The following LMBR1 variants were observed in gnomAD, a reference collection of about 807,000 sequenced individuals.
LMBR1 encodes limb development membrane protein 1.
A neutral mutation model predicts 73.9 loss-of-function variants in LMBR1; 52 were observed. The observed-to-expected ratio is 0.70, with a 90% CI of 0.56 to 0.89. The LOEUF (loss-of-function observed/expected upper bound fraction) is 0.89. Among genes scored for constraint, LMBR1 ranks in the 40% least tolerant of loss-of-function variants. The probability of loss-of-function intolerance (pLI) is 0.00; values close to 1 mark genes in which losing one functional copy is unlikely to be tolerated. For missense variants in LMBR1, 539 were observed against 579.8 expected, an observed-to-expected ratio of 0.93 and a Z score of 0.72; for synonymous variants, 215 against 209.4, an observed-to-expected ratio of 1.03 and a Z score of -0.23.
rs1355534545 is a variant in LMBR1, at chr7:156,689,648, T to C, written c.1226-1457A>G. On this transcript the variant is annotated intron_variant, in intron 15 of 16. Transcript: ENST00000353442. ...TAAAAGACAGTAATATACCAAAATATTTTTTTAAGGTAGATAATTAATGAA... is the reference window on the plus strand; with the variant it reads ...TAAAAGACAGTAATATACCAAAATACTTTTTTAAGGTAGATAATTAATGAA... Among the ~76,000 whole-genome samples, 7 of 151,684 alleles carry C rather than the reference T, an allele frequency of 4.6e-5. No individual in the cohort carries two copies. The East Asian group carries it at 1.3e-3, about 29-fold the overall frequency.
rs1024752410 is a variant in LMBR1 at position 156,727,840 on chromosome 7, G to A, written c.993+90C>T. 7.6e-6 allele frequency: 6 copies of A among 794,382 alleles called. No homozygotes were observed. In the African/African-American group the frequency reaches 1.0e-4, roughly 14 times the overall value. The allele number at this position is 794,382 out of a possible 1,614,324, so 49.2% of individuals were successfully genotyped here. ...TTGAAGTATATACATGCACAAAGGT[G>A]AATGTTTTCATTTGCTTACTTGAAA... On this transcript the variant is annotated intron_variant, in intron 12 of 16. Transcript: ENST00000353442.
chr7:156,695,439 C>A (rs1808083207), intron 15 of LMBR1, among the ~76,000 whole-genome samples: 1 of 152,158 alleles, frequency 6.6e-6, no homozygotes. Flanking sequence ...ATGATACTGG[C>A]ATCTGCTCAG....
At chr7:156,769,355 G>A (rs1824748319) in intron 5 of LMBR1, among the ~76,000 whole-genome samples, 1 of 152,164 alleles carries the variant, frequency 6.6e-6, no homozygotes, top group Non-Finnish European at 1.5e-5. Flanking sequence ...TACAACAGGA[G>A]AGGAATGAAC....
Position 156,762,835 on chromosome 7 carries a change from G to A in LMBR1, c.619+273C>T, listed in dbSNP as rs867488674. On this transcript the variant is annotated intron_variant, in intron 7 of 16. Coordinates refer to ENST00000353442, the MANE Select transcript of LMBR1 (RefSeq NM_022458.4). ...TGACTGTATATGAGTGTGTGAAAGT[G>A]TGTGAGTGTGAGTGTGTGTGTGTGT... 3.0e-5 allele frequency among the ~76,000 whole-genome samples: 3 copies of A among 100,410 alleles called. No homozygotes were observed. The South Asian group carries it at 9.4e-4, about 31-fold the overall frequency. The allele number at this position is 100,410 out of a possible 152,430, so 65.9% of individuals were successfully genotyped here.
At chr7:156,766,856 C>A (rs1824181622) in intron 5 of LMBR1, among the ~76,000 whole-genome samples, 1 of 152,164 alleles carries the variant, frequency 6.6e-6, no homozygotes, top group Non-Finnish European at 1.5e-5. Flanking sequence ...ATGGTGTGAA[C>A]TGTGAGCCAT....
intron 15 of LMBR1, among the ~76,000 whole-genome samples, chr7:156,696,558 A>T (rs1211454397): frequency 6.6e-6 from 1 of 152,194 alleles, no homozygotes; most frequent in Non-Finnish European, 1.5e-5. Context: ...GCAGAGGGCG[A>T]AAGGCACTTC....
At chr7:156,676,718 C>T, downstream of LMBR1, 6 of 1,220,256 alleles carry the variant, frequency 4.9e-6, no homozygotes, top group South Asian at 7.6e-5. Context: ...TTTGGATGAA[C>T]TGCATGAGTT....
At chr7:156,840,707 C>T (rs1838514103) in intron 1 of LMBR1, among the ~76,000 whole-genome samples, 1 of 151,690 alleles carries the variant, frequency 6.6e-6, no homozygotes, top group African/African-American at 2.4e-5. Flanking sequence ...CTCCTGTAAT[C>T]CCAGCACTTT....
chr7:156,858,158 T>C (rs1797236754), intron 1 of LMBR1, among the ~76,000 whole-genome samples: 1 of 150,026 alleles, frequency 6.7e-6, no homozygotes, highest in Non-Finnish European at 1.5e-5. Flanking sequence ...AAAAGCTGGT[T>C]CATCAAAAAG....
intron 9 of LMBR1, among the ~76,000 whole-genome samples, chr7:156,748,926 T>C (rs1278276151): frequency 6.6e-6 from 1 of 152,226 alleles, no homozygotes; most frequent in Non-Finnish European, 1.5e-5. Flanking sequence ...TCTCTGGCAG[T>C]CACCTCATTT....
intron 15 of LMBR1, among the ~76,000 whole-genome samples, chr7:156,693,582 G>A (rs926233759): frequency 1.3e-5 from 2 of 152,052 alleles, no homozygotes; most frequent in South Asian, 4.1e-4. Flanking sequence ...AATCTGCCCA[G>A]ACTAACTTTA....
At chr7:156,885,143 A>G (rs968175300) in intron 1 of LMBR1, among the ~76,000 whole-genome samples, 4 of 152,186 alleles carry the variant, frequency 2.6e-5, no homozygotes, top group African/African-American at 9.6e-5. Flanking sequence ...ACCTGAGGTC[A>G]GGAGTTCAAG....
At chr7:156,833,609 G>T in intron 3 of LMBR1, 144 bp downstream of exon 3, 1 of 587,202 alleles carries the variant, frequency 1.7e-6, no homozygotes, top group Non-Finnish European at 2.9e-6. Context: ...TTGCTTACAT[G>T]TGCTTTCTAA....
chr7:156,718,937 T>G (rs968299105), intron 15 of LMBR1, among the ~76,000 whole-genome samples: 2 of 151,998 alleles, frequency 1.3e-5, no homozygotes, highest in African/African-American at 4.8e-5. Context: ...GTAAAACTAC[T>G]AGAAGAAAAC....
chr7:156,780,922 T>A (rs975349870), intron 5 of LMBR1, among the ~76,000 whole-genome samples: 3 of 151,982 alleles, frequency 2.0e-5, no homozygotes, highest in African/African-American at 7.3e-5. Context: ...TGGGGGAGAA[T>A]GCTTAAAAGA....
At chr7:156,787,943 A>C (rs138157795) in intron 5 of LMBR1, among the ~76,000 whole-genome samples, 16,844 of 152,114 alleles carry the variant, frequency 0.11, 979 homozygotes, top group East Asian at 0.13. Flanking sequence ...CACCTGGCTA[A>C]TTTTTATATT....
chr7:156,879,289 C>T (rs1237636150), intron 1 of LMBR1, among the ~76,000 whole-genome samples: 1 of 152,178 alleles, frequency 6.6e-6, no homozygotes, highest in Non-Finnish European at 1.5e-5. Flanking sequence ...TCTTCACAAT[C>T]TATACATCTG....
chr7:156,780,162 GT>G (rs1484490631), intron 5 of LMBR1, among the ~76,000 whole-genome samples: 1 of 152,094 alleles, frequency 6.6e-6, no homozygotes, highest in Non-Finnish European at 1.5e-5. Flanking sequence ...ACAGTGAAAT[GT>G]TTTTTAATAT....
Position 156,826,719 on chromosome 7 carries a change from C to A in LMBR1, c.205G>T (p.Ala69Ser), listed in dbSNP as rs752539800. The A allele has an allele frequency of 1.3e-4, 208 of 1,610,240 alleles. No individual in the cohort carries two copies. The highest frequency in any genetic ancestry group is 1.7e-4 in the Non-Finnish European group (198 of 1,178,066). The part of the protein sequence containing the change: ...ISLFLSTFTL[A>S]VSAGAVLLLP... ...AGCAAAACAGCCCCAGCTGACACTG[C>A]GAGAGTGAACGTGCTCAAAAACAAC... Residue 69 changes from alanine (A) to serine (S), a missense_variant, in exon 4 of 17, where the codon GCA (alanine) becomes TCA (serine). This residue lies in a region of LMBR1 where 454 missense variants were observed against 473.4 expected (regional missense o/e 0.96). Coordinates refer to ENST00000353442, the MANE Select transcript of LMBR1 (RefSeq NM_022458.4).
Sources: allele counts gnomAD v4.1 joint callset (sites outside exome capture counted in the v4.1 genomes callset), GRCh38; gene constraint gnomAD v4.1.1; regional missense constraint gnomAD v4.1.1; transcripts MANE v1.5; gene names NCBI Gene and HGNC (gene_info 2026-07-23, HGNC 2026-07-21).